IL1RAPL2: variants seen among roughly 807,000 people sequenced by gnomAD.
IL1RAPL2 encodes the protein interleukin 1 receptor accessory protein like 2, also known as X-linked interleukin-1 receptor accessory protein-like 2.
A neutral mutation model predicts 44.1 loss-of-function variants in IL1RAPL2; 3 were observed. That is an observed-to-expected ratio of 0.07 (90% confidence interval 0.03 to 0.18). The LOEUF (loss-of-function observed/expected upper bound fraction) is 0.18. Among genes scored for constraint, IL1RAPL2 ranks in the 10% least tolerant of loss-of-function variants. The pLI, the probability that IL1RAPL2 is intolerant of heterozygous loss-of-function variation, is 1.00. For synonymous variants in IL1RAPL2, 181 were observed against 178.8 expected (o/e 1.01, Z -0.10); for missense variants, 391 against 496.4 (o/e 0.79, Z 2.02).
chrX:104,996,279 C>T (rs935363249), intron 2 of IL1RAPL2, among the ~76,000 whole-genome samples: 3 of 111,909 alleles, frequency 2.7e-5, no homozygotes, highest in African/African-American at 9.7e-5. Flanking sequence ...GATTAAAAAA[C>T]AGATCAATGA....
chrX:104,637,218 G>T (rs1306122517), intron 1 of IL1RAPL2, among the ~76,000 whole-genome samples: 1 of 111,276 alleles, frequency 9.0e-6, no homozygotes, highest in Non-Finnish European at 1.9e-5. Flanking sequence ...AGATCTGATA[G>T]TTTTTTGGTA....
intron 2 of IL1RAPL2, among the ~76,000 whole-genome samples, chrX:104,966,845 C>T (rs988057278): frequency 3.6e-5 from 4 of 112,348 alleles, no homozygotes; most frequent in African/African-American, 1.3e-4. Flanking sequence ...AATGAATGAA[C>T]ATATCTTTTT....
At chrX:104,827,043 G>T (rs1359406463) in intron 2 of IL1RAPL2, among the ~76,000 whole-genome samples, 5 of 98,548 alleles carry the variant, frequency 5.1e-5, no homozygotes, top group African/African-American at 1.9e-4. Context: ...TGGGTCTCCT[G>T]AGTACAGCAC....
chrX:105,747,480 CTG>C (rs1285052173), intron 8 of IL1RAPL2, among the ~76,000 whole-genome samples: 6 of 70,092 alleles, frequency 8.6e-5, no homozygotes, highest in Non-Finnish European at 1.3e-4. Flanking sequence ...CTCTCTCTCT[CTG>C]TGTGTGTGTA....
chrX:104,627,550 A>G (rs183416024), intron 1 of IL1RAPL2, among the ~76,000 whole-genome samples: 104 of 111,561 alleles, frequency 9.3e-4, no homozygotes, highest in Admixed American at 2.5e-3. Context: ...AAGACCACAG[A>G]CAGCAGTTGC....
intron 5 of IL1RAPL2, among the ~76,000 whole-genome samples, chrX:105,305,052 T>C (rs1247907875): frequency 9.0e-6 from 1 of 110,981 alleles, no homozygotes; most frequent in Non-Finnish European, 1.9e-5. Context: ...CCAGATCTCA[T>C]GAAAACTTTA....
chrX:105,692,886 A>G (rs1310453734), intron 6 of IL1RAPL2, among the ~76,000 whole-genome samples: 1 of 111,641 alleles, frequency 9.0e-6, no homozygotes, highest in East Asian at 2.8e-4. Context: ...CAAGAGAACA[A>G]TATATCAGTT....
At chrX:104,610,823 C>A (rs5917107) in intron 1 of IL1RAPL2, among the ~76,000 whole-genome samples, 39,483 of 110,712 alleles carry the variant, frequency 0.36, 5,727 homozygotes, top group East Asian at 0.54. Flanking sequence ...ATCGCCAAGT[C>A]AATCCTAAGC....
chrX:105,019,161 G>A lies in IL1RAPL2; in HGVS notation c.83-176314G>A, dbSNP rs906140986. On this transcript the variant is annotated intron_variant, in intron 2 of 10. Coordinates refer to ENST00000372582, the MANE Select transcript of IL1RAPL2 (RefSeq NM_017416.2). ...GTCACTGGGCAGGCATGCAATGGGA[G>A]TATTTAAGTACAGAATTGAGTAGCC... 4.5e-5 allele frequency among the ~76,000 whole-genome samples: 5 copies of A among 111,949 alleles called. No individual in the cohort carries two copies. The Admixed American group carries it at 4.7e-4, about 11-fold the overall frequency.
At chrX:105,704,860 G>T (rs1279514689) in intron 6 of IL1RAPL2, among the ~76,000 whole-genome samples, 1 of 110,375 alleles carries the variant, frequency 9.1e-6, no homozygotes, top group East Asian at 2.9e-4. Flanking sequence ...TGCAAATTCT[G>T]TAAGAACATT....
At chrX:104,698,717 C>A (rs1336546436) in intron 2 of IL1RAPL2, among the ~76,000 whole-genome samples, 2 of 111,412 alleles carry the variant, frequency 1.8e-5, no homozygotes, top group African/African-American at 3.3e-5. Context: ...TTCTGGTAGG[C>A]CTTTTCTCTG....
chrX:104,610,348 GTTTGCAGATGA>G (rs1929124505), intron 1 of IL1RAPL2, among the ~76,000 whole-genome samples: 1 of 111,220 alleles, frequency 9.0e-6, no homozygotes, highest in Admixed American at 9.6e-5. Context: ...AATTGTCCCT[GTTTGCAGATGA>G]CATGATTGTA....
At chrX:104,871,496 A>G (rs1922761699) in intron 2 of IL1RAPL2, among the ~76,000 whole-genome samples, 1 of 111,227 alleles carries the variant, frequency 9.0e-6, no homozygotes, top group Non-Finnish European at 1.9e-5. Flanking sequence ...TTCCTTTCCA[A>G]CTCTGACATT....
chrX:104,770,832 A>T (rs1305110795), intron 2 of IL1RAPL2, among the ~76,000 whole-genome samples: 3 of 111,736 alleles, frequency 2.7e-5, no homozygotes, highest in Non-Finnish European at 3.8e-5. Flanking sequence ...AGATTATTTC[A>T]TCACCCAAGT....
chrX:105,544,850 T>C (rs2147799773), intron 6 of IL1RAPL2, among the ~76,000 whole-genome samples: 1 of 111,397 alleles, frequency 9.0e-6, no homozygotes, highest in African/African-American at 3.3e-5. Context: ...GTGCACCAAT[T>C]TAATTCCCCT....
At chrX:105,230,032 C>T (rs1402246349) in intron 3 of IL1RAPL2, among the ~76,000 whole-genome samples, 3 of 111,849 alleles carry the variant, frequency 2.7e-5, no homozygotes, top group Non-Finnish European at 3.8e-5. Flanking sequence ...CTCCTGACCT[C>T]GTGATCCACC....
At chrX:104,641,016 C>T (rs1477053594) in intron 1 of IL1RAPL2, among the ~76,000 whole-genome samples, 2 of 112,130 alleles carry the variant, frequency 1.8e-5, no homozygotes, top group African/African-American at 6.5e-5. Context: ...TCAGCAGTGA[C>T]TGGGTAGGTG....
intron 2 of IL1RAPL2, among the ~76,000 whole-genome samples, chrX:104,897,263 G>C (rs1455738264): frequency 8.9e-6 from 1 of 112,046 alleles, no homozygotes; most frequent in Non-Finnish European, 1.9e-5. Context: ...CATGCTCCTG[G>C]AGCCTAAAAT....
chrX:105,625,863 A>G (rs1243209444), intron 6 of IL1RAPL2, among the ~76,000 whole-genome samples: 1 of 111,994 alleles, frequency 8.9e-6, no homozygotes, highest in Non-Finnish European at 1.9e-5. Flanking sequence ...GCTTTTAAAA[A>G]CTGCCTACAT....
Sources: allele counts gnomAD v4.1 joint callset (sites outside exome capture counted in the v4.1 genomes callset), GRCh38; gene constraint gnomAD v4.1.1; transcripts MANE v1.5; gene names NCBI Gene and HGNC (gene_info 2026-07-23, HGNC 2026-07-21).